Variants in OSBPL9 observed in about 807,000 individuals in gnomAD.
The protein encoded by OSBPL9 is oxysterol-binding protein-related protein 9.
A neutral mutation model predicts 106.6 loss-of-function variants in OSBPL9; 40 were observed. That is an observed-to-expected ratio of 0.38 (90% CI 0.29 to 0.49). OSBPL9 has a LOEUF of 0.49. Ranked by LOEUF, OSBPL9 falls within the 20% of genes least tolerant of loss-of-function variation. OSBPL9 has a pLI of 0.97. For synonymous variants in OSBPL9, 269 were observed against 295.4 expected, an observed-to-expected ratio of 0.91 and a Z score of 0.92; for missense variants, 609 against 887.2, an observed-to-expected ratio of 0.69 and a Z score of 3.98.
At chr1:51,571,475 G>A in the OSBPL9 span, among the ~76,000 whole-genome samples, 1 of 152,078 alleles carries the variant, frequency 6.6e-6, no homozygotes, top group African/African-American at 2.4e-5. Flanking sequence ...AGACCAGCAT[G>A]GGCAACATAA....
At chr1:51,541,695 G>T in the OSBPL9 span, among the ~76,000 whole-genome samples, 1 of 152,138 alleles carries the variant, frequency 6.6e-6, no homozygotes, top group Non-Finnish European at 1.5e-5. Flanking sequence ...GATGTAGCAG[G>T]CTTGGTGACT....
intron 12 of OSBPL9, among the ~76,000 whole-genome samples, chr1:51,766,943 T>A (rs899426580): frequency 6.7e-6 from 1 of 148,724 alleles, no homozygotes; most frequent in Admixed American, 6.7e-5. Context: ...CCAGGCATGG[T>A]GGTACATGCC....
chr1:51,712,798 C>A (rs1660330786), intron 3 of OSBPL9, among the ~76,000 whole-genome samples: 1 of 152,132 alleles, frequency 6.6e-6, no homozygotes, highest in East Asian at 1.9e-4. Context: ...TGCTTATGTG[C>A]TAGACATTGT....
chr1:51,604,329 G>A (rs759221046), intron 2 of OSBPL9, among the ~76,000 whole-genome samples: 7 of 152,116 alleles, frequency 4.6e-5, no homozygotes, highest in Non-Finnish European at 7.4e-5. Context: ...ACCGAGGTGG[G>A]TGGATCACCT....
At position 51,749,702 on chromosome 1, in the gene OSBPL9, T is replaced by C. The variant is rs186288800; in HGVS notation, c.493-443T>C. 147 of 197,238 alleles carry C rather than the reference T, an allele frequency of 7.5e-4. 6 individuals carry two copies. In the South Asian group the frequency reaches 9.5e-3, roughly 13 times the overall value. The allele number at this position is 197,238 out of a possible 1,614,324, so 12.2% of individuals were successfully genotyped here. ...GATTCGTATGTCTTTCTGTTTGAAG[T>C]GTTGAAAAACCATTTAGAGCCAAGC... On this transcript the variant is annotated intron_variant, in intron 7 of 23. Transcript: ENST00000428468.
At chr1:51,692,796 G>A (rs1655252057) in intron 3 of OSBPL9, among the ~76,000 whole-genome samples, 1 of 151,486 alleles carries the variant, frequency 6.6e-6, no homozygotes, top group South Asian at 2.1e-4. Flanking sequence ...CAAAGTGATG[G>A]GATTACAGGA....
In OSBPL9 at chr1:51,656,673, C is replaced by T. The variant is rs1352533407; in HGVS notation, c.162+4632C>T. On this transcript the variant is annotated intron_variant, in intron 2 of 23. Transcript: ENST00000428468. ...CTCCTCCCCCTCCTCGCTCTCCCCC[C>T]AACTTTTGACAGGATCTTGCTCTTT... 2.0e-5 allele frequency among the ~76,000 whole-genome samples: 3 copies of T among 149,168 alleles called. No individual in the cohort carries two copies. The Admixed American group carries it at 2.0e-4, about 10-fold the overall frequency.
chr1:51,713,429 C>A (rs946931186), intron 3 of OSBPL9, among the ~76,000 whole-genome samples: 1 of 152,154 alleles, frequency 6.6e-6, no homozygotes, highest in African/African-American at 2.4e-5. Flanking sequence ...GGATTACAGT[C>A]ATGAGCCACT....
intron 17 of OSBPL9, 85 bp downstream of exon 17, chr1:51,782,728 A>C: frequency 3.3e-6 from 4 of 1,198,486 alleles, no homozygotes; most frequent in South Asian, 2.8e-5. Flanking sequence ...AGCTGAGGGT[A>C]CTGTCAGTTG....
intron 3 of OSBPL9, among the ~76,000 whole-genome samples, chr1:51,670,514 A>G (rs1403860073): frequency 2.0e-5 from 3 of 152,162 alleles, no homozygotes; most frequent in Non-Finnish European, 4.4e-5. Flanking sequence ...TTGTGCTAGG[A>G]TAGTGAATTG....
At chr1:51,594,624 A>G (rs1195207997) in intron 1 of OSBPL9, among the ~76,000 whole-genome samples, 1 of 152,172 alleles carries the variant, frequency 6.6e-6, no homozygotes, top group Non-Finnish European at 1.5e-5. Context: ...ACTCTGAACA[A>G]TCTTGCAAGA....
At chr1:51,572,434 T>C (rs1273346389), upstream of OSBPL9, among the ~76,000 whole-genome samples, 2 of 152,170 alleles carry the variant, frequency 1.3e-5, no homozygotes, top group African/African-American at 4.8e-5. Context: ...ATTATGCAGC[T>C]AGTAAGTCAT....
At chr1:51,657,191 G>C (rs1346397138) in intron 2 of OSBPL9, among the ~76,000 whole-genome samples, 1 of 152,134 alleles carries the variant, frequency 6.6e-6, no homozygotes, top group Non-Finnish European at 1.5e-5. Context: ...ACTATGGTTT[G>C]CATACAAAAG....
the OSBPL9 span, among the ~76,000 whole-genome samples, chr1:51,530,832 T>C: frequency 6.6e-6 from 1 of 150,512 alleles, no homozygotes; most frequent in Non-Finnish European, 1.5e-5. Flanking sequence ...CTGCCTCTAC[T>C]AAAAATATCA....
intron 5 of OSBPL9, 147 bp from the exon 6 acceptor site, chr1:51,746,563 A>G: frequency 1.7e-6 from 1 of 593,994 alleles, no homozygotes. Context: ...GTGCTCGAAA[A>G]AAAATACATG....
At chr1:51,651,432 G>A (rs369032609) in intron 1 of OSBPL9, among the ~76,000 whole-genome samples, 17 of 152,020 alleles carry the variant, frequency 1.1e-4, no homozygotes, top group South Asian at 4.2e-4. Flanking sequence ...GTGAAACCCC[G>A]TCTCTATCAA....
chr1:51,575,419 C>T (rs184091639), upstream of OSBPL9, among the ~76,000 whole-genome samples: 4 of 150,394 alleles, frequency 2.7e-5, no homozygotes, highest in East Asian at 5.8e-4. Flanking sequence ...CCATGTTGGT[C>T]GGTCTGGTTT....
the OSBPL9 span, among the ~76,000 whole-genome samples, chr1:51,539,547 C>T: frequency 6.6e-6 from 1 of 152,266 alleles, no homozygotes; most frequent in South Asian, 2.1e-4. Flanking sequence ...TTTCTAAAAA[C>T]AAAATAATAA....
intron 3 of OSBPL9, among the ~76,000 whole-genome samples, chr1:51,712,410 GGGGAGA>G (rs375563911): frequency 0.033 from 4,987 of 152,058 alleles, 148 homozygotes; most frequent in Middle Eastern, 0.092. Flanking sequence ...GGGAGACCGT[GGGGAGA>G]GGGAGAGGGA....
Sources: gnomAD v4.1 joint callset for allele counts (sites outside exome capture counted in the v4.1 genomes callset) on GRCh38, gnomAD v4.1.1 for gene constraint, MANE v1.5 for transcripts, NCBI Gene and HGNC (gene_info 2026-07-23, HGNC 2026-07-21) for gene names.